Variants in DERL1 observed in about 807,000 individuals in gnomAD.
DERL1 encodes derlin 1, also known as derlin-1.
A neutral mutation model predicts 41.6 loss-of-function variants in DERL1; 24 were observed. The observed-to-expected ratio is 0.58, with a 90% CI of 0.42 to 0.81. The LOEUF is 0.81. Ranked by LOEUF, DERL1 falls within the 30% of genes least tolerant of loss-of-function variation. The pLI is 0.00. For missense variants in DERL1, 260 were observed against 314.3 expected (o/e 0.83, Z 1.31); for synonymous variants, 124 against 112.5 (o/e 1.10, Z -0.65).
chr8:123,039,329 C>A (rs1354799931), intron 1 of DERL1, among the ~76,000 whole-genome samples: 2 of 152,196 alleles, frequency 1.3e-5, no homozygotes, highest in African/African-American at 4.8e-5. Context: ...CTTCATAGTG[C>A]CCTCAAAATA....
intron 5 of DERL1, among the ~76,000 whole-genome samples, chr8:123,022,114 C>T (rs1812561337): frequency 6.6e-6 from 1 of 152,194 alleles, no homozygotes. Flanking sequence ...AATAACTTTA[C>T]AGCTACATGT....
chr8:123,019,516 A>G (rs1036836229), intron 6 of DERL1, among the ~76,000 whole-genome samples: 2 of 152,032 alleles, frequency 1.3e-5, no homozygotes, highest in Non-Finnish European at 2.9e-5. Context: ...GAGGCCTGCC[A>G]CTCTTCAAGG....
At chr8:123,017,457 C>T (rs1814606446) in intron 7 of DERL1, 2 of 152,130 alleles carry the variant, frequency 1.3e-5, no homozygotes, top group Non-Finnish European at 2.9e-5. Context: ...TGGAAGCCAT[C>T]TCCACTGCTT....
Position 123,015,286 on chromosome 8 carries a change from CTT to C in DERL1, c.*159_*160del. The C allele has an allele frequency of 1.0e-6, 1 of 984,570 alleles. No homozygotes were observed. The highest frequency in any genetic ancestry group is 1.4e-6 in the Non-Finnish European group (1 of 695,596). 61.0% of individuals were successfully genotyped at this position (984,570 alleles called of 1,614,324 possible). On this transcript the variant is annotated 3_prime_UTR_variant, in exon 8 of 8. Coordinates refer to ENST00000259512, the MANE Select transcript of DERL1 (RefSeq NM_024295.6). ...TGAGAATCGTGAAACTTGTGGAACA[CTT>C]ATATTTTTCTTCGGGATTTAAGAAA...
intron 2 of DERL1, among the ~76,000 whole-genome samples, chr8:123,029,692 T>G (rs966191622): frequency 1.3e-5 from 2 of 152,212 alleles, no homozygotes; most frequent in Non-Finnish European, 2.9e-5. Flanking sequence ...AGACAGCATA[T>G]AAGGTATTGT....
In DERL1 at chr8:123,042,249, G is replaced by A. The variant is rs1311151840; in HGVS notation, c.-127C>T. Reference sequence around the variant, plus strand: ...AGCCGCCGAAGCCGCGATGCAGAAGGCGGAGACGGGCGGACGTGGCGCCAC... The same window carrying A: ...AGCCGCCGAAGCCGCGATGCAGAAGACGGAGACGGGCGGACGTGGCGCCAC... On this transcript the variant is annotated 5_prime_UTR_variant, in exon 1 of 8. Coordinates refer to ENST00000259512, the MANE Select transcript of DERL1 (RefSeq NM_024295.6). 6 of 1,239,542 alleles carry A rather than the reference G, an allele frequency of 4.8e-6. No individual in the cohort carries two copies. The highest frequency in any genetic ancestry group is 1.5e-5 in the African/African-American group (1 of 64,598). The allele number at this position is 1,239,542 out of a possible 1,614,324, so 76.8% of individuals were successfully genotyped here.
chr8:123,037,921 G>A (rs1265026726), intron 1 of DERL1, among the ~76,000 whole-genome samples: 1 of 152,182 alleles, frequency 6.6e-6, no homozygotes, highest in African/African-American at 2.4e-5. Context: ...AGCAGGAATT[G>A]CCACCTCTTG....
intron 1 of DERL1, among the ~76,000 whole-genome samples, chr8:123,040,474 T>C (rs551265127): frequency 6.6e-6 from 1 of 152,236 alleles, no homozygotes; most frequent in African/African-American, 2.4e-5. Context: ...TTGTGGAGCC[T>C]AAGGTACAAG....
At chr8:123,026,507 AT>A (rs1169680123) in intron 2 of DERL1, among the ~76,000 whole-genome samples, 1 of 152,230 alleles carries the variant, frequency 6.6e-6, no homozygotes, top group Admixed American at 6.5e-5. Flanking sequence ...ATAACTAACA[AT>A]TTAGCCAGGC....
chr8:123,032,750 T>A (rs1364355394), intron 1 of DERL1, among the ~76,000 whole-genome samples: 21 of 152,246 alleles, frequency 1.4e-4, no homozygotes, highest in Admixed American at 1.2e-3. Flanking sequence ...TTTGAAAAAC[T>A]ACTTTCATTG....
intron 1 of DERL1, among the ~76,000 whole-genome samples, chr8:123,033,139 A>G (rs955546751): frequency 2.6e-5 from 4 of 152,136 alleles, no homozygotes; most frequent in Admixed American, 2.6e-4. Context: ...CTGAAATTAT[A>G]GGCATGAGCC....
chr8:123,042,146 T>C lies in DERL1; in HGVS notation c.-24A>G, dbSNP rs1417377253. On this transcript the variant is annotated 5_prime_UTR_variant, in exon 1 of 8. Coordinates refer to ENST00000259512, the MANE Select transcript of DERL1 (RefSeq NM_024295.6). ...ATCTTCGACCCACAGGTAGCCAAGA[T>C]GCACAAGACCGCCCGACTCCCCGTG... 1.3e-6 allele frequency: 2 copies of C among 1,582,356 alleles called. No individual in the cohort carries two copies. Among genetic ancestry groups the C allele is most frequent in the Admixed American group, 1.7e-5 (1 of 58,094 alleles).
At chr8:123,034,404 G>GT (rs1490253956) in intron 1 of DERL1, among the ~76,000 whole-genome samples, 2 of 152,156 alleles carry the variant, frequency 1.3e-5, no homozygotes, top group Non-Finnish European at 2.9e-5. Flanking sequence ...GAAGACCTGG[G>GT]TTTAAGTTTT....
rs117550079 is a variant in DERL1, at chr8:123,015,600, C to T, written c.618-15G>A. The T allele has an allele frequency of 0.014, 22,543 of 1,604,108 alleles. 209 individuals carry two copies. The highest frequency in any genetic ancestry group is 0.018 in the Non-Finnish European group (20,750 of 1,174,788). On this transcript the variant is annotated splice_polypyrimidine_tract_variant and intron_variant, in intron 7 of 7. Coordinates refer to ENST00000259512, the MANE Select transcript of DERL1 (RefSeq NM_024295.6). ...GCCAGCGGTACCTGGTGCAGAAAGA[C>T]GGGGACACAAACGGAGAGAAGAGAA...
At chr8:123,025,127 A>C in intron 2 of DERL1, 77 bp from the exon 3 acceptor site, 2 of 1,474,322 alleles carry the variant, frequency 1.4e-6, no homozygotes, top group Non-Finnish European at 1.8e-6. Flanking sequence ...AAACACTTCA[A>C]AAAGTTACAG....
In DERL1 at chr8:123,015,856, T is replaced by G. The variant is rs565809195; in HGVS notation, c.618-271A>C. 9 of 337,202 alleles carry G rather than the reference T, an allele frequency of 2.7e-5. No homozygotes were observed. In the East Asian group the frequency reaches 5.0e-4, roughly 19 times the overall value. 20.9% of individuals were successfully genotyped at this position (337,202 alleles called of 1,614,324 possible). A position where few individuals can be genotyped will look rare whatever the true frequency, so the allele number is the denominator to read the frequency against. ...ACGTTTTTTTCTCTGCTTATAAAAGTAATCCATGCAGAACAGTATGGAAAC... is the reference window on the plus strand; with the variant it reads ...ACGTTTTTTTCTCTGCTTATAAAAGGAATCCATGCAGAACAGTATGGAAAC... On this transcript the variant is annotated intron_variant, in intron 7 of 7. Transcript: ENST00000259512.
chr8:123,022,860 C>T lies in DERL1; in HGVS notation c.358-81G>A, dbSNP rs1041510959. The stretch of plus-strand genomic sequence containing the variant: ...TACATCTACTATGCTTTTTACCCCT[C>T]CTCTTCACAACAATCCTCACCTGGG... On this transcript the variant is annotated intron_variant, in intron 4 of 7. Transcript: ENST00000259512. The T allele has an allele frequency of 1.2e-5, 13 of 1,094,170 alleles. No homozygotes were observed. The African/African-American group carries it at 1.9e-4, about 16-fold the overall frequency. The allele number at this position is 1,094,170 out of a possible 1,614,324, so 67.8% of individuals were successfully genotyped here.
chr8:123,025,229 G>C (rs1812657451), intron 2 of DERL1, among the ~76,000 whole-genome samples, 179 bp from the exon 3 acceptor site: 1 of 152,172 alleles, frequency 6.6e-6, no homozygotes, highest in Non-Finnish European at 1.5e-5. Flanking sequence ...ATAAAGCCCT[G>C]AATCAAAGTT....
chr8:123,040,404 C>G (rs931050743), intron 1 of DERL1, among the ~76,000 whole-genome samples: 1 of 152,138 alleles, frequency 6.6e-6, no homozygotes, highest in African/African-American at 2.4e-5. Context: ...AGAGAAACAA[C>G]ATGTGCAAAG....
Sources: gnomAD v4.1 joint callset for allele counts (sites outside exome capture counted in the v4.1 genomes callset) on GRCh38, gnomAD v4.1.1 for gene constraint, MANE v1.5 for transcripts, NCBI Gene and HGNC (gene_info 2026-07-23, HGNC 2026-07-21) for gene names.